Variants in SCML4 observed in about 807,000 individuals in gnomAD.
SCML4 encodes the protein sex comb on midleg-like protein 4.
SCML4 carries 34 observed loss-of-function variants against 41.1 expected under a neutral mutation model. That is an observed-to-expected ratio of 0.83 (90% CI 0.63 to 1.10). The LOEUF (loss-of-function observed/expected upper bound fraction) is 1.10, where lower values mean the gene tolerates loss of function less well. Among genes scored for constraint, SCML4 ranks in the 50% least tolerant of loss-of-function variants. The pLI is 0.00. For missense variants in SCML4, 522 were observed against 534.1 expected, an observed-to-expected ratio of 0.98 and a Z score of 0.22; for synonymous variants, 214 against 220.9, an observed-to-expected ratio of 0.97 and a Z score of 0.28.
Position 107,705,296 on chromosome 6 carries a change from C to T in SCML4, c.1149G>A (p.Leu383=), listed in dbSNP as rs201298012. ...GGTACTTCATGACCATGTCACTCTT[C>T]AGCAACAGCAGAGCGTTGCCATCAA... ...HEIDGNALLL[L]KSDMVMKYLG... is the part of the protein sequence containing the mutation. Residue 383 remains leucine (L), a synonymous_variant, in exon 8 of 8, where the codon CTG becomes CTA. Transcript: ENST00000369020. The T allele has an allele frequency of 1.3e-6, 2 of 1,551,618 alleles. No homozygotes were observed. Among genetic ancestry groups the T allele is most frequent in the African/African-American group, 1.4e-5 (1 of 73,034 alleles).
the SCML4 span, among the ~76,000 whole-genome samples, chr6:107,836,116 T>C: frequency 3.5e-4 from 53 of 152,272 alleles, no homozygotes; most frequent in African/African-American, 9.6e-4. Flanking sequence ...GTTTTTTTTT[T>C]CCTTTTGTGA....
chr6:107,795,484 T>C (rs905565169), intron 1 of SCML4, among the ~76,000 whole-genome samples: 2 of 152,200 alleles, frequency 1.3e-5, no homozygotes, highest in African/African-American at 4.8e-5. Flanking sequence ...CCAACGTAAC[T>C]CATTCCCTAA....
chr6:107,745,264 G>A, intron 4 of SCML4, 121 bp from the exon 5 acceptor site: 1 of 695,950 alleles, frequency 1.4e-6, no homozygotes, highest in Non-Finnish European at 2.4e-6. Flanking sequence ...GACTATATTT[G>A]GATTTCACCT....
chr6:107,707,165 G>A (rs1773721873), intron 7 of SCML4, among the ~76,000 whole-genome samples: 1 of 151,242 alleles, frequency 6.6e-6, no homozygotes, highest in Non-Finnish European at 1.5e-5. Flanking sequence ...GCTGGGCGTG[G>A]TGGTGGGTGC....
chr6:107,813,427 A>T lies in SCML4; in HGVS notation c.-60+10699T>A, dbSNP rs1474094674. Among the ~76,000 whole-genome samples the T allele has an allele frequency of 1.7e-3, 144 of 83,444 alleles. 3 individuals are homozygous for T. The highest frequency in any genetic ancestry group is 2.7e-3 in the Non-Finnish European group (105 of 38,408). The allele number at this position is 83,444 out of a possible 152,430, so 54.7% of individuals were successfully genotyped here. A position where few individuals can be genotyped will look rare whatever the true frequency, so the allele number is the denominator to read the frequency against. On this transcript the variant is annotated intron_variant, in intron 1 of 7. Coordinates refer to ENST00000369020, the MANE Select transcript of SCML4 (RefSeq NM_198081.5). ...ATATATATATATATATATATATAAA[A>T]CTGTAAAATTAAATACATATTAAAA...
chr6:107,802,194 G>GAGAC (rs898185543), intron 1 of SCML4, among the ~76,000 whole-genome samples: 4 of 152,164 alleles, frequency 2.6e-5, no homozygotes, highest in Admixed American at 6.5e-5. Context: ...ATATTCGTGA[G>GAGAC]AGACAGACAA....
chr6:107,738,215 C>A (rs1379398729), intron 5 of SCML4, among the ~76,000 whole-genome samples: 1 of 152,182 alleles, frequency 6.6e-6, no homozygotes, highest in Non-Finnish European at 1.5e-5. Flanking sequence ...CAAACACAAA[C>A]CACCTTCAGA....
At chr6:107,777,236 G>A (rs796588168) in intron 1 of SCML4, among the ~76,000 whole-genome samples, 15 of 152,280 alleles carry the variant, frequency 9.9e-5, no homozygotes, top group African/African-American at 3.4e-4. Context: ...TCCTGCCTCA[G>A]CCTCCCAAGT....
intron 6 of SCML4, among the ~76,000 whole-genome samples, chr6:107,713,342 T>C (rs1774413732): frequency 6.6e-6 from 1 of 152,192 alleles, no homozygotes. Context: ...TCTCTGCTTC[T>C]CTGTTGTAAA....
the SCML4 span, among the ~76,000 whole-genome samples, chr6:107,833,032 A>C: frequency 6.6e-6 from 1 of 152,302 alleles, no homozygotes; most frequent in Non-Finnish European, 1.5e-5. Context: ...GGAGGCCACT[A>C]TGCGGGGAGG....
chr6:107,779,884 G>A (rs964548659), intron 1 of SCML4, among the ~76,000 whole-genome samples: 1 of 152,156 alleles, frequency 6.6e-6, no homozygotes, highest in Non-Finnish European at 1.5e-5. Flanking sequence ...TCCACACACT[G>A]GTCTCTCAAC....
At chr6:107,755,552 C>T (rs768896305) in intron 2 of SCML4, 3 of 1,254,056 alleles carry the variant, frequency 2.4e-6, no homozygotes, top group East Asian at 1.0e-4. Flanking sequence ...GATGCAGGGC[C>T]CAGTCCATCA....
intron 1 of SCML4, among the ~76,000 whole-genome samples, chr6:107,813,370 T>TTATTTATA (rs1784310778): frequency 1.2e-4 from 5 of 42,472 alleles, no homozygotes; most frequent in Non-Finnish European, 1.6e-4. Flanking sequence ...CTCAAAAAAA[T>TTATTTATA]TATATATATA....
intron 1 of SCML4, among the ~76,000 whole-genome samples, chr6:107,820,893 G>T (rs1209492206): frequency 6.6e-6 from 1 of 152,182 alleles, no homozygotes; most frequent in Admixed American, 6.5e-5. Flanking sequence ...ATTCAAATGC[G>T]ATTCAAACAT....
chr6:107,742,684 A>G (rs867801707), intron 5 of SCML4, among the ~76,000 whole-genome samples: 77 of 152,318 alleles, frequency 5.1e-4, no homozygotes, highest in African/African-American at 1.7e-3. Flanking sequence ...GTTATCCAAG[A>G]CTACTGTATC....
intron 5 of SCML4, among the ~76,000 whole-genome samples, chr6:107,736,473 T>C (rs1474136378): frequency 6.6e-6 from 1 of 152,156 alleles, no homozygotes; most frequent in Non-Finnish European, 1.5e-5. Flanking sequence ...TGAGAAGACC[T>C]GCTCTCGGTT....
At chr6:107,825,196 A>G (rs1785205332), upstream of SCML4, among the ~76,000 whole-genome samples, 1 of 152,302 alleles carries the variant, frequency 6.6e-6, no homozygotes, top group African/African-American at 2.4e-5. Flanking sequence ...CATTTCATCC[A>G]CTCTGGGATA....
At chr6:107,840,026 ATT>A in the SCML4 span, among the ~76,000 whole-genome samples, 1 of 152,212 alleles carries the variant, frequency 6.6e-6, no homozygotes, top group Admixed American at 6.5e-5. Context: ...CATAATAAAA[ATT>A]TGTTATTATA....
intron 5 of SCML4, among the ~76,000 whole-genome samples, chr6:107,737,420 A>G (rs755879585): frequency 3.0e-4 from 45 of 152,234 alleles, no homozygotes; most frequent in Non-Finnish European, 3.2e-4. Context: ...GGATTTATAC[A>G]AGTGCCACCT....
Sources: gnomAD v4.1 joint callset for allele counts (sites outside exome capture counted in the v4.1 genomes callset) on GRCh38, gnomAD v4.1.1 for gene constraint, MANE v1.5 for transcripts, NCBI Gene and HGNC (gene_info 2026-07-23, HGNC 2026-07-21) for gene names.